Variants in TOX3 observed in about 807,000 individuals in gnomAD.
TOX3 encodes TOX high mobility group box family member 3.
A neutral mutation model predicts 64.3 loss-of-function variants in TOX3; 22 were observed. The observed-to-expected ratio is 0.34, with a 90% CI of 0.24 to 0.49. TOX3 has a LOEUF of 0.49. TOX3 is among the 20% of genes least tolerant of loss of function. The pLI, the probability that TOX3 is intolerant of heterozygous loss-of-function variation, is 0.99. For missense variants in TOX3, 661 were observed against 714.4 expected, an observed-to-expected ratio of 0.93 and a Z score of 0.85; for synonymous variants, 291 against 273.6, an observed-to-expected ratio of 1.06 and a Z score of -0.63.
At chr16:52,517,171 CCAACATT>C (rs1962481995) in intron 1 of TOX3, among the ~76,000 whole-genome samples, 4 of 152,144 alleles carry the variant, frequency 2.6e-5, no homozygotes, top group Admixed American at 2.0e-4. Flanking sequence ...CTATCATTTA[CCAACATT>C]CAATCGAATT....
chr16:52,455,862 T>A (rs1960500928), intron 3 of TOX3, among the ~76,000 whole-genome samples: 1 of 152,084 alleles, frequency 6.6e-6, no homozygotes, highest in South Asian at 2.1e-4. Context: ...TGCAATAGGC[T>A]TGGAGAGACT....
intron 1 of TOX3, among the ~76,000 whole-genome samples, chr16:52,517,666 G>C (rs1216302994): frequency 6.6e-6 from 1 of 152,158 alleles, no homozygotes; most frequent in Non-Finnish European, 1.5e-5. Context: ...GCCCTCTGCA[G>C]TGATGCCCCA....
chr16:52,531,880 T>C (rs1051021216), intron 1 of TOX3, among the ~76,000 whole-genome samples: 6 of 151,884 alleles, frequency 4.0e-5, no homozygotes, highest in African/African-American at 1.5e-4. Flanking sequence ...AAAAAGATTA[T>C]CAGAAGCATA....
intron 1 of TOX3, among the ~76,000 whole-genome samples, chr16:52,538,118 T>C (rs903374310): frequency 3.3e-5 from 5 of 152,160 alleles, no homozygotes; most frequent in African/African-American, 4.8e-5. Flanking sequence ...TTATTAGAAT[T>C]TTTAAATAAG....
intron 1 of TOX3, among the ~76,000 whole-genome samples, chr16:52,501,202 GC>G (rs1277873332): frequency 4.6e-5 from 7 of 151,798 alleles, no homozygotes; most frequent in African/African-American, 1.7e-4. Context: ...AGACAAACAG[GC>G]CTCCAAGTCT....
At chr16:52,485,246 G>GTGTATATATATATATATATATATATA (rs1555484130) in intron 1 of TOX3, among the ~76,000 whole-genome samples, 3 of 127,862 alleles carry the variant, frequency 2.3e-5, no homozygotes, top group Admixed American at 7.6e-5. Flanking sequence ...ATGTGTGTGT[G>GTGTATATATATATATATATATATATA]TATATATATA....
At chr16:52,523,544 C>A (rs1962659932) in intron 1 of TOX3, among the ~76,000 whole-genome samples, 1 of 152,156 alleles carries the variant, frequency 6.6e-6, no homozygotes, top group African/African-American at 2.4e-5. Context: ...ATTTCAGCAT[C>A]CCCTCTCATT....
intron 3 of TOX3, among the ~76,000 whole-genome samples, chr16:52,459,037 G>C (rs1257648992): frequency 6.6e-6 from 1 of 152,116 alleles, no homozygotes; most frequent in East Asian, 1.9e-4. Context: ...AAACAGGCCA[G>C]GTGCAGTGGC....
At chr16:52,482,378 T>A (rs1239270046) in intron 1 of TOX3, among the ~76,000 whole-genome samples, 2 of 152,150 alleles carry the variant, frequency 1.3e-5, no homozygotes, top group Non-Finnish European at 1.5e-5. Flanking sequence ...AAGTAGCTCT[T>A]CTTAAATCAT....
At chr16:52,490,136 T>C (rs1327206962) in intron 1 of TOX3, among the ~76,000 whole-genome samples, 1 of 151,436 alleles carries the variant, frequency 6.6e-6, no homozygotes, top group Non-Finnish European at 1.5e-5. Flanking sequence ...GGGGGAAGAT[T>C]TCCCGCTTGC....
chr16:52,539,955 C>T (rs1180493034), intron 1 of TOX3, among the ~76,000 whole-genome samples: 2 of 152,086 alleles, frequency 1.3e-5, no homozygotes, highest in Non-Finnish European at 2.9e-5. Flanking sequence ...CCTTCCCATA[C>T]CTTACCTCAA....
At chr16:52,442,582 C>G (rs934437762) in intron 6 of TOX3, among the ~76,000 whole-genome samples, 1 of 152,156 alleles carries the variant, frequency 6.6e-6, no homozygotes, top group African/African-American at 2.4e-5. Context: ...ACTGTGGGAT[C>G]CAAAACAGAA....
At chr16:52,463,798 T>G (rs1234249129) in intron 3 of TOX3, 136 bp downstream of exon 3, 1 of 1,085,576 alleles carries the variant, frequency 9.2e-7, no homozygotes, top group African/African-American at 1.6e-5. Context: ...AGCGATCCAG[T>G]ACCTGCATGT....
intron 1 of TOX3, among the ~76,000 whole-genome samples, chr16:52,503,879 A>G (rs1369645670): frequency 6.6e-6 from 1 of 152,208 alleles, no homozygotes; most frequent in Non-Finnish European, 1.5e-5. Context: ...TCATGTCGAT[A>G]ATTTAAATAA....
At chr16:52,484,258 G>T (rs1381238832) in intron 1 of TOX3, among the ~76,000 whole-genome samples, 2 of 152,074 alleles carry the variant, frequency 1.3e-5, no homozygotes, top group African/African-American at 4.8e-5. Context: ...TCTCAAATTT[G>T]TCAATTTAAT....
chr16:52,481,883 A>G (rs761800012), intron 1 of TOX3, among the ~76,000 whole-genome samples: 2 of 152,166 alleles, frequency 1.3e-5, no homozygotes, highest in Non-Finnish European at 2.9e-5. Flanking sequence ...TTTATCTAAA[A>G]TCTTTTACTA....
At chr16:52,450,661 A>C in intron 3 of TOX3, 115 bp from the exon 4 acceptor site, 1 of 1,314,176 alleles carries the variant, frequency 7.6e-7, no homozygotes, top group Non-Finnish European at 1.0e-6. Flanking sequence ...GATAGGTCTG[A>C]CCTATTGCAG....
At chr16:52,495,691 A>T (rs1431627399) in intron 1 of TOX3, among the ~76,000 whole-genome samples, 2 of 152,140 alleles carry the variant, frequency 1.3e-5, no homozygotes, top group Non-Finnish European at 2.9e-5. Flanking sequence ...TTAACACACA[A>T]CTCATGCCTT....
chr16:52,454,563 G>A (rs1313513707), intron 3 of TOX3, among the ~76,000 whole-genome samples: 1 of 152,150 alleles, frequency 6.6e-6, no homozygotes, highest in African/African-American at 2.4e-5. Flanking sequence ...AGCTCTTTTA[G>A]GGCCACAAAT....
Sources: allele counts gnomAD v4.1 joint callset (sites outside exome capture counted in the v4.1 genomes callset), GRCh38; gene constraint gnomAD v4.1.1; transcripts MANE v1.5; gene names NCBI Gene and HGNC (gene_info 2026-07-23, HGNC 2026-07-21).